Variants in PTPRT observed in about 807,000 individuals in gnomAD.
PTPRT encodes the protein protein tyrosine phosphatase receptor type T.
A neutral mutation model predicts 176.8 loss-of-function variants in PTPRT; 56 were observed. That is an observed-to-expected ratio of 0.32 (90% CI 0.26 to 0.40). The LOEUF is 0.40. Among genes scored for constraint, PTPRT ranks in the 10% least tolerant of loss-of-function variants. PTPRT has a pLI of 1.00. For missense variants in PTPRT, 1,540 were observed against 1,908.2 expected (o/e 0.81, Z 3.60); for synonymous variants, 783 against 739.0 (o/e 1.06, Z -0.96).
chr20:43,056,776 T>C (rs1230068037), intron 1 of PTPRT, among the ~76,000 whole-genome samples: 1 of 152,174 alleles, frequency 6.6e-6, no homozygotes, highest in Non-Finnish European at 1.5e-5. Flanking sequence ...ATAAAAATGA[T>C]AATTTATCAA....
chr20:43,089,652 G>A (rs1224442547), intron 1 of PTPRT, among the ~76,000 whole-genome samples: 1 of 152,206 alleles, frequency 6.6e-6, no homozygotes, highest in African/African-American at 2.4e-5. Flanking sequence ...ATGGTGAGGA[G>A]AAAGAAGCTG....
At chr20:43,119,622 A>T (rs189380383) in intron 1 of PTPRT, among the ~76,000 whole-genome samples, 1 of 152,352 alleles carries the variant, frequency 6.6e-6, no homozygotes, top group East Asian at 1.9e-4. Flanking sequence ...CCTGAATCCC[A>T]TCTTGGGTTG....
At chr20:42,835,755 T>C (rs2078170747) in intron 2 of PTPRT, among the ~76,000 whole-genome samples, 1 of 152,182 alleles carries the variant, frequency 6.6e-6, no homozygotes, top group Non-Finnish European at 1.5e-5. Context: ...CAATTTCCTA[T>C]ATTTCCTCAA....
intron 2 of PTPRT, among the ~76,000 whole-genome samples, chr20:42,860,950 A>T (rs1326352584): frequency 1.3e-5 from 2 of 152,216 alleles, no homozygotes; most frequent in Non-Finnish European, 2.9e-5. Flanking sequence ...GCTCCGTCAC[A>T]TTAAGGAAAT....
At chr20:42,653,256 C>T in intron 7 of PTPRT, among the ~76,000 whole-genome samples, 1 of 152,294 alleles carries the variant, frequency 6.6e-6, no homozygotes, top group South Asian at 2.1e-4. Context: ...GACATGTTTG[C>T]TTCCCCTTCC....
rs80083975 is a variant in PTPRT at position 42,527,532 on chromosome 20, C to T, written c.1154-54970G>A. On this transcript the variant is annotated intron_variant, in intron 7 of 30. Transcript: ENST00000373187. ...TCATTATTTTCCAACATAATATATT[C>T]TTCCTAGTTTTACCACAGCACTTGC... 5.7e-3 allele frequency among the ~76,000 whole-genome samples: 866 copies of T among 152,266 alleles called. 4 individuals carry two copies. Among genetic ancestry groups the T allele is most frequent in the Admixed American group, 0.014 (208 of 15,302 alleles).
At chr20:42,322,451 C>T (rs6016746) in intron 11 of PTPRT, among the ~76,000 whole-genome samples, 4,157 of 70,398 alleles carry the variant, frequency 0.059, 364 homozygotes, top group African/African-American at 0.18. Flanking sequence ...TCAGAAATAA[C>T]GCCGCATATC....
At chr20:42,583,296 G>T (rs894258360) in intron 7 of PTPRT, among the ~76,000 whole-genome samples, 5 of 152,168 alleles carry the variant, frequency 3.3e-5, no homozygotes, top group African/African-American at 1.2e-4. Flanking sequence ...GCAACCAGTT[G>T]CTCAGAGTTA....
intron 22 of PTPRT, 82 bp downstream of exon 22, chr20:42,115,117 C>T: frequency 9.8e-7 from 1 of 1,016,240 alleles, no homozygotes; most frequent in Admixed American, 1.7e-5. Context: ...TAGAGCAGAC[C>T]CTCAGTTACC....
chr20:42,152,570 A>G (rs1219982694), intron 17 of PTPRT, among the ~76,000 whole-genome samples: 1 of 152,248 alleles, frequency 6.6e-6, no homozygotes, highest in Non-Finnish European at 1.5e-5. Flanking sequence ...CCTTTAGGTG[A>G]CAAATTCCCT....
intron 17 of PTPRT, among the ~76,000 whole-genome samples, chr20:42,147,958 T>G (rs1445350326): frequency 6.6e-6 from 1 of 151,854 alleles, no homozygotes; most frequent in Non-Finnish European, 1.5e-5. Context: ...GCAAAAAAAA[T>G]ATGAGGGGGA....
intron 7 of PTPRT, among the ~76,000 whole-genome samples, chr20:42,633,837 TATA>T (rs1273409929): frequency 3.3e-5 from 3 of 91,060 alleles, no homozygotes; most frequent in Non-Finnish European, 5.8e-5. Context: ...ATTAATATAT[TATA>T]ATAATATAAT....
intron 9 of PTPRT, among the ~76,000 whole-genome samples, chr20:42,361,564 A>G (rs970419257): frequency 2.6e-5 from 4 of 152,140 alleles, no homozygotes; most frequent in Non-Finnish European, 5.9e-5. Flanking sequence ...AAGCTGCTGT[A>G]TAAGAAGTCT....
chr20:42,306,465 G>T (rs1600811177), intron 12 of PTPRT, among the ~76,000 whole-genome samples: 2 of 152,198 alleles, frequency 1.3e-5, no homozygotes, highest in East Asian at 3.9e-4. Flanking sequence ...GTGAGTGGAT[G>T]TTTACCCGAT....
chr20:42,363,282 ATATATATATATATATATATTTT>A (rs1568812352), intron 9 of PTPRT, among the ~76,000 whole-genome samples: 1 of 16,056 alleles, frequency 6.2e-5, no homozygotes, highest in Admixed American at 7.5e-4. Context: ...ATATATATAT[ATATATATATATATATATATTTT>A]TTTTTTTTTT....
the PTPRT span, among the ~76,000 whole-genome samples, chr20:42,056,151 G>A: frequency 2.0e-5 from 3 of 152,166 alleles, no homozygotes; most frequent in Non-Finnish European, 4.4e-5. Context: ...TTTGACCTGA[G>A]ATGGGCTTTT....
chr20:42,168,501 T>G (rs776922377), intron 16 of PTPRT, among the ~76,000 whole-genome samples: 4 of 152,186 alleles, frequency 2.6e-5, no homozygotes, highest in Non-Finnish European at 4.4e-5. Flanking sequence ...AATAAACTTG[T>G]AACAGCTCTG....
chr20:43,021,598 G>A (rs928354149), intron 1 of PTPRT, among the ~76,000 whole-genome samples: 3 of 152,052 alleles, frequency 2.0e-5, no homozygotes, highest in Non-Finnish European at 4.4e-5. Context: ...CTGGGCTGGG[G>A]TGTCTCAGGG....
chr20:42,441,857 G>A (rs563197124), intron 9 of PTPRT, among the ~76,000 whole-genome samples: 4 of 152,290 alleles, frequency 2.6e-5, no homozygotes, highest in Non-Finnish European at 4.4e-5. Flanking sequence ...ACTCAATAGC[G>A]GCCTGCATTA....
Sources: gnomAD v4.1 joint callset for allele counts (sites outside exome capture counted in the v4.1 genomes callset) on GRCh38, gnomAD v4.1.1 for gene constraint, MANE v1.5 for transcripts, NCBI Gene and HGNC (gene_info 2026-07-23, HGNC 2026-07-21) for gene names.